The following CTNNA2 variants were observed in gnomAD, a reference collection of about 807,000 sequenced individuals.
CTNNA2 encodes catenin alpha 2.
In CTNNA2, 42 loss-of-function variants were observed where a neutral mutation model predicts 101.0. That is an observed-to-expected ratio of 0.42 (90% CI 0.32 to 0.54). The LOEUF (loss-of-function observed/expected upper bound fraction) is 0.54. CTNNA2 is among the 20% of genes least tolerant of loss of function. The probability of loss-of-function intolerance (pLI) is 0.14; values close to 1 mark genes in which losing one functional copy is unlikely to be tolerated. For missense variants in CTNNA2, 871 were observed against 1,223.1 expected (o/e 0.71, Z 4.29); for synonymous variants, 450 against 456.4 (o/e 0.99, Z 0.18).
At chr2:80,062,098 C>T (rs1372284354) in intron 7 of CTNNA2, among the ~76,000 whole-genome samples, 1 of 152,158 alleles carries the variant, frequency 6.6e-6, no homozygotes, top group Admixed American at 6.5e-5. Context: ...AGCTTTGAGG[C>T]TTTCAAGATA....
intron 7 of CTNNA2, among the ~76,000 whole-genome samples, chr2:80,354,532 C>G (rs567242421): frequency 6.6e-6 from 1 of 151,962 alleles, no homozygotes; most frequent in African/African-American, 2.4e-5. Context: ...TACAAGTAAA[C>G]GCAAACAGAA....
chr2:80,218,932 T>G (rs1708420722), intron 7 of CTNNA2, among the ~76,000 whole-genome samples: 2 of 152,206 alleles, frequency 1.3e-5, no homozygotes, highest in South Asian at 4.1e-4. Context: ...AATGGATGAT[T>G]ACACACATTA....
intron 7 of CTNNA2, among the ~76,000 whole-genome samples, chr2:80,244,875 A>G (rs1671204264): frequency 6.6e-6 from 1 of 152,174 alleles, no homozygotes; most frequent in Non-Finnish European, 1.5e-5. Flanking sequence ...ACATCTCAAC[A>G]GAGAAATACG....
chr2:79,622,557 A>G (rs767134968), intron 1 of CTNNA2, among the ~76,000 whole-genome samples: 140 of 152,376 alleles, frequency 9.2e-4, no homozygotes, highest in Non-Finnish European at 1.4e-3. Context: ...ATTATTTTTC[A>G]ATTGGTATAT....
At chr2:80,629,249 A>C (rs1041889136) in intron 18 of CTNNA2, among the ~76,000 whole-genome samples, 2 of 152,124 alleles carry the variant, frequency 1.3e-5, no homozygotes, top group African/African-American at 4.8e-5. Flanking sequence ...CCAACGAATC[A>C]AGGTCTCTGC....
rs185239303 is a variant in CTNNA2, at chr2:80,536,762, A to T, written c.1291-8220A>T. On this transcript the variant is annotated intron_variant, in intron 9 of 18. Coordinates refer to ENST00000402739, the MANE Select transcript of CTNNA2 (RefSeq NM_001282597.3). ...GGCTTTTCTTGTGAGTGTTCAAACA[A>T]GACTGTGGCTCTTTTGAGACAGAGC... is the stretch of plus-strand genomic sequence containing the variant. Among the ~76,000 whole-genome samples the T allele has an allele frequency of 1.6e-3, 250 of 152,318 alleles. 1 individual carries two copies. Among genetic ancestry groups the T allele is most frequent in the South Asian group, 1.7e-3 (8 of 4,828 alleles).
intron 2 of CTNNA2, among the ~76,000 whole-genome samples, chr2:79,282,577 G>A (rs948715457): frequency 2.0e-5 from 3 of 149,056 alleles, no homozygotes; most frequent in African/African-American, 7.3e-5. Flanking sequence ...TCCCTACAAA[G>A]GACATGAACT....
At chr2:79,705,213 CAGTA>C (rs1356031861) in intron 2 of CTNNA2, among the ~76,000 whole-genome samples, 1 of 152,168 alleles carries the variant, frequency 6.6e-6, no homozygotes, top group African/African-American at 2.4e-5. Flanking sequence ...AGACCAAGTA[CAGTA>C]GTTACCCCCT....
At chr2:79,574,811 T>C (rs1468584368) in intron 1 of CTNNA2, among the ~76,000 whole-genome samples, 1 of 152,224 alleles carries the variant, frequency 6.6e-6, no homozygotes, top group Non-Finnish European at 1.5e-5. Context: ...CCAAAATGGC[T>C]AAGCTAATTT....
Position 80,604,077 on chromosome 2 carries a change from C to G in CTNNA2, c.2193C>G (p.Gly731=). ...IMMEMTDFTR[G]KGPLKNTSDV... is the part of the protein sequence containing the mutation. Reference sequence around the variant, plus strand: ...TATGTTGTATATGTTGTTTCAGAGGCAAAGGCCCATTGAAAAATACATCTG... The same window carrying G: ...TATGTTGTATATGTTGTTTCAGAGGGAAAGGCCCATTGAAAAATACATCTG... The change falls in exon 16 of 19, where the codon GGC becomes GGG. Residue 731 remains glycine, a synonymous_variant. Coordinates refer to ENST00000402739, the MANE Select transcript of CTNNA2 (RefSeq NM_001282597.3). 6.2e-7 allele frequency: 1 copy of G among 1,612,344 alleles called. No individual in the cohort carries two copies. Among genetic ancestry groups the G allele is most frequent in the Non-Finnish European group, 8.5e-7 (1 of 1,178,966 alleles).
intron 4 of CTNNA2, among the ~76,000 whole-genome samples, chr2:79,409,002 G>C (rs35647333): frequency 0.3 from 44,795 of 150,868 alleles, 6,801 homozygotes; most frequent in South Asian, 0.45. Context: ...TAACTGGTGT[G>C]AGATGGTATC....
intron 7 of CTNNA2, among the ~76,000 whole-genome samples, chr2:79,959,107 G>T (rs1274518460): frequency 1.3e-5 from 2 of 151,452 alleles, no homozygotes; most frequent in African/African-American, 4.8e-5. Flanking sequence ...CCAGGCTGTA[G>T]TGTGATCACA....
chr2:79,372,526 A>C, intron 3 of CTNNA2, among the ~76,000 whole-genome samples: 1 of 152,200 alleles, frequency 6.6e-6, no homozygotes, highest in African/African-American at 2.4e-5. Context: ...GAAAGGGGGA[A>C]AAGGATTTCT....
At position 79,446,821 on chromosome 2, in the gene CTNNA2, CA is replaced by C. The variant is rs112549169; in HGVS notation, c.-134-58224del. ...GACCAATTAATGCTGATGTTTATGC[CA>C]AAAAAAAATCCAGATTTGTCCTATA... On this transcript the variant is annotated intron_variant, in intron 4 of 21. Coordinates refer to the CTNNA2 transcript ENST00000466387. Among the ~76,000 whole-genome samples the C allele has an allele frequency of 4.9e-3, 736 of 150,522 alleles. 7 individuals carry two copies. Among genetic ancestry groups the C allele is most frequent in the African/African-American group, 0.016 (670 of 41,136 alleles).
intron 12 of CTNNA2, among the ~76,000 whole-genome samples, chr2:80,563,719 C>T (rs1693811028): frequency 6.6e-6 from 1 of 152,110 alleles, no homozygotes; most frequent in South Asian, 2.1e-4. Context: ...TCTAATTCTA[C>T]CTGATTTCTT....
intron 7 of CTNNA2, among the ~76,000 whole-genome samples, chr2:80,322,220 C>T (rs1303030939): frequency 2.0e-5 from 3 of 152,098 alleles, no homozygotes; most frequent in Non-Finnish European, 4.4e-5. Flanking sequence ...TTAGTTGGAG[C>T]CACTAAAGCA....
At chr2:80,588,794 C>T (rs563790716) in intron 14 of CTNNA2, among the ~76,000 whole-genome samples, 1 of 152,276 alleles carries the variant, frequency 6.6e-6, no homozygotes, top group African/African-American at 2.4e-5. Context: ...GGGCATCTCT[C>T]TGTAGACACC....
At chr2:79,989,978 A>T (rs963487548) in intron 7 of CTNNA2, among the ~76,000 whole-genome samples, 4 of 152,148 alleles carry the variant, frequency 2.6e-5, no homozygotes, top group Admixed American at 2.0e-4. Flanking sequence ...CTAGCAGCTG[A>T]TGTAATATTT....
At chr2:79,652,428 CT>C (rs1465662594) in intron 2 of CTNNA2, among the ~76,000 whole-genome samples, 3 of 152,066 alleles carry the variant, frequency 2.0e-5, no homozygotes, top group Non-Finnish European at 4.4e-5. Flanking sequence ...CATTTTCTTG[CT>C]TTTCCCATCT....
Sources: allele counts gnomAD v4.1 joint callset (sites outside exome capture counted in the v4.1 genomes callset), GRCh38; gene constraint gnomAD v4.1.1; transcripts MANE v1.5; gene names NCBI Gene and HGNC (gene_info 2026-07-23, HGNC 2026-07-21).